The following MACROD2 variants were observed in gnomAD, a reference collection of about 807,000 sequenced individuals.
MACROD2 encodes ADP-ribose glycohydrolase MACROD2.
MACROD2 carries 36 observed loss-of-function variants against 70.4 expected under a neutral mutation model. The ratio of observed to expected loss-of-function variants is 0.51; its 90% CI spans 0.39 to 0.68. MACROD2 has a LOEUF of 0.68. MACROD2 is among the 30% of genes least tolerant of loss of function. The probability of loss-of-function intolerance (pLI) is 0.00; values close to 1 mark genes in which losing one functional copy is unlikely to be tolerated. For synonymous variants in MACROD2, 172 were observed against 178.8 expected, an observed-to-expected ratio of 0.96 and a Z score of 0.30; for missense variants, 496 against 538.4, an observed-to-expected ratio of 0.92 and a Z score of 0.78.
rs139450126 is a variant in MACROD2 at position 16,012,952 on chromosome 20, C to A, written c.1153+25794C>A. On this transcript the variant is annotated intron_variant, in intron 15 of 17. Coordinates refer to ENST00000684519, the MANE Select transcript of MACROD2 (RefSeq NM_001351661.2). ...ATCCCAGCACTTTGGGAGGCTGAAGCGGATGGATCACGAGGTCAAGAGATC... is the reference window on the plus strand; with the variant it reads ...ATCCCAGCACTTTGGGAGGCTGAAGAGGATGGATCACGAGGTCAAGAGATC... Among the ~76,000 whole-genome samples, 267 of 152,212 alleles carry A rather than the reference C, an allele frequency of 1.8e-3. 2 individuals are homozygous for A. Among genetic ancestry groups the A allele is most frequent in the African/African-American group, 6.3e-3 (263 of 41,524 alleles).
chr20:14,696,170 AGATAGATAGATAGATC>A (rs1430652729), intron 5 of MACROD2, among the ~76,000 whole-genome samples: 2 of 152,024 alleles, frequency 1.3e-5, no homozygotes, highest in African/African-American at 2.4e-5. Context: ...AAAACTTCTT[AGATAGATAGATAGATC>A]GATAGATAGA....
At chr20:15,085,208 C>G (rs1280454716) in intron 5 of MACROD2, among the ~76,000 whole-genome samples, 3 of 151,838 alleles carry the variant, frequency 2.0e-5, no homozygotes, top group African/African-American at 4.8e-5. Context: ...GAAGTTGGAC[C>G]CTCTATCTCA....
At chr20:15,960,563 G>C (rs1000463500) in intron 12 of MACROD2, among the ~76,000 whole-genome samples, 9 of 152,176 alleles carry the variant, frequency 5.9e-5, no homozygotes, top group Admixed American at 6.5e-5. Context: ...CACAGGTGAG[G>C]TGTGAGGAAG....
At chr20:14,432,968 AAAT>A (rs760562479) in intron 3 of MACROD2, among the ~76,000 whole-genome samples, 6 of 152,088 alleles carry the variant, frequency 3.9e-5, no homozygotes, top group South Asian at 2.1e-4. Flanking sequence ...TAGTCATAGA[AAAT>A]AATAATAATA....
chr20:14,404,352 T>A (rs1270441500), intron 3 of MACROD2, among the ~76,000 whole-genome samples: 5 of 152,032 alleles, frequency 3.3e-5, no homozygotes, highest in Non-Finnish European at 7.4e-5. Flanking sequence ...ATGGGGCAGG[T>A]GCGGTTGCTC....
intron 3 of MACROD2, among the ~76,000 whole-genome samples, chr20:14,479,501 C>A (rs1309331726): frequency 6.6e-6 from 1 of 152,158 alleles, no homozygotes; most frequent in Non-Finnish European, 1.5e-5. Context: ...CCTGGGTCAC[C>A]TTCTTCCTTT....
At chr20:15,748,316 C>G (rs2051214961) in intron 8 of MACROD2, among the ~76,000 whole-genome samples, 1 of 152,058 alleles carries the variant, frequency 6.6e-6, no homozygotes, top group Non-Finnish European at 1.5e-5. Context: ...AAGAGCCAAT[C>G]AATGTCCACA....
At chr20:15,513,649 A>G (rs556471295) in intron 8 of MACROD2, among the ~76,000 whole-genome samples, 1 of 152,316 alleles carries the variant, frequency 6.6e-6, no homozygotes, top group African/African-American at 2.4e-5. Flanking sequence ...GTTTTTCATA[A>G]ATTTCCATAT....
intron 6 of MACROD2, among the ~76,000 whole-genome samples, chr20:15,431,131 T>C (rs1385090405): frequency 1.3e-5 from 2 of 152,072 alleles, no homozygotes; most frequent in African/African-American, 4.8e-5. Flanking sequence ...TGTAGGTTTA[T>C]ATAATTTAAT....
intron 8 of MACROD2, among the ~76,000 whole-genome samples, chr20:15,826,292 T>C: frequency 6.6e-6 from 1 of 152,108 alleles, no homozygotes; most frequent in Non-Finnish European, 1.5e-5. Context: ...GGAATACGCA[T>C]GGGGGATGGG....
chr20:14,536,957 T>A (rs1048085849), intron 4 of MACROD2, among the ~76,000 whole-genome samples: 1 of 152,204 alleles, frequency 6.6e-6, no homozygotes, highest in South Asian at 2.1e-4. Flanking sequence ...ATTTAATGCA[T>A]CTTTATTATG....
rs1230863391 is a variant in MACROD2 at position 14,938,940 on chromosome 20, ATTTTT to A, written c.418+253999_418+254003del. ...GATATTTTTTTCATTGTTAAATCAG[ATTTTT>A]TTTTTTTTTTTTTTTTTACTATTGA... On this transcript the variant is annotated intron_variant, in intron 5 of 17. Coordinates refer to ENST00000684519, the MANE Select transcript of MACROD2 (RefSeq NM_001351661.2). Among the ~76,000 whole-genome samples the A allele has an allele frequency of 9.3e-5, 8 of 86,466 alleles. No homozygotes were observed. The South Asian group carries it at 1.1e-3, about 12-fold the overall frequency. 56.7% of individuals were successfully genotyped at this position (86,466 alleles called of 152,430 possible).
At chr20:14,853,081 A>G (rs942300827) in intron 5 of MACROD2, among the ~76,000 whole-genome samples, 2 of 152,066 alleles carry the variant, frequency 1.3e-5, no homozygotes, top group African/African-American at 2.4e-5. Context: ...TACTCTGTAG[A>G]TAATGGGGAA....
Position 14,768,557 on chromosome 20 carries a change from A to G in MACROD2, c.418+83598A>G, listed in dbSNP as rs541170479. Among the ~76,000 whole-genome samples, 247 of 152,128 alleles carry G rather than the reference A, an allele frequency of 1.6e-3. 1 individual carries two copies. The highest frequency in any genetic ancestry group is 5.5e-3 in the African/African-American group (230 of 41,488). ...TTGTCTCAAGCACGTGGCCTCAAGCAATCCTCCTGCCTCAGCCTTCCAAAG... is the reference window on the plus strand; with the variant it reads ...TTGTCTCAAGCACGTGGCCTCAAGCGATCCTCCTGCCTCAGCCTTCCAAAG... On this transcript the variant is annotated intron_variant, in intron 5 of 17. Transcript: ENST00000684519.
At chr20:14,385,934 A>G (rs375212217) in intron 3 of MACROD2, among the ~76,000 whole-genome samples, 1 of 152,254 alleles carries the variant, frequency 6.6e-6, no homozygotes. Context: ...TATTAGCATT[A>G]AAGAACATGT....
intron 5 of MACROD2, among the ~76,000 whole-genome samples, chr20:15,105,601 G>A (rs968020996): frequency 3.3e-5 from 5 of 152,066 alleles, no homozygotes; most frequent in African/African-American, 1.2e-4. Flanking sequence ...AGGCAGAAAT[G>A]TTGCCATGTT....
intron 4 of MACROD2, among the ~76,000 whole-genome samples, chr20:14,586,106 A>T (rs145331123): frequency 2.3e-4 from 35 of 152,200 alleles, no homozygotes; most frequent in African/African-American, 7.5e-4. Flanking sequence ...ATAGGAGAAG[A>T]TTCATGGGTT....
At chr20:14,403,724 TTAGTTTACAG>T (rs1232868707) in intron 3 of MACROD2, among the ~76,000 whole-genome samples, 1 of 152,140 alleles carries the variant, frequency 6.6e-6, no homozygotes, top group East Asian at 1.9e-4. Flanking sequence ...AAATGAGAAT[TTAGTTTACAG>T]TAGTTGCAAT....
chr20:14,493,424 C>T, intron 3 of MACROD2, 55 bp from the exon 4 acceptor site: 1 of 1,429,786 alleles, frequency 7.0e-7, no homozygotes, highest in Non-Finnish European at 9.8e-7. Flanking sequence ...CTCTGATATA[C>T]TATATTTCTT....
Sources: gnomAD v4.1 joint callset for allele counts (sites outside exome capture counted in the v4.1 genomes callset) on GRCh38, gnomAD v4.1.1 for gene constraint, MANE v1.5 for transcripts, NCBI Gene and HGNC (gene_info 2026-07-23, HGNC 2026-07-21) for gene names.